Variants in TGOLN2 observed in about 807,000 individuals in gnomAD.
TGOLN2 encodes trans-golgi network protein 2, also known as trans-Golgi network integral membrane protein 2.
Under a neutral mutation model 31.3 loss-of-function variants are expected in TGOLN2, and 19 were observed. The observed-to-expected ratio is 0.61, with a 90% CI of 0.42 to 0.89. TGOLN2 has a LOEUF of 0.89. TGOLN2 is among the 40% of genes least tolerant of loss of function. The pLI is 0.00. For missense variants in TGOLN2, 540 were observed against 559.2 expected (o/e 0.97, Z 0.35); for synonymous variants, 222 against 226.7 (o/e 0.98, Z 0.19).
rs778744736 is a variant in TGOLN2 at position 85,327,943 on chromosome 2, A to G, written c.20T>C (p.Leu7Ser). ...CGCCGCTGCGACGTTCAGGAGGACC[A>G]AGGCAACCACGAACCGCATCCTGCT... MRFVVA[L>S]VLLNVAAAGA... Residue 7 changes from leucine to serine, a missense_variant, in exon 1 of 4, where the codon TTG becomes TCG. Physicochemically the swap from Leu to Ser is moderately radical, Grantham distance 145. Coordinates refer to ENST00000377386, the MANE Select transcript of TGOLN2 (RefSeq NM_006464.4). 4 of 1,602,430 alleles carry G rather than the reference A, an allele frequency of 2.5e-6. No individual in the cohort carries two copies. The South Asian group carries it at 3.4e-5, about 14-fold the overall frequency.
At position 85,322,654 on chromosome 2, in the gene TGOLN2, G is replaced by C; in HGVS notation, c.*82C>G. The stretch of plus-strand genomic sequence containing the variant: ...TCAGCAGGGAGGACAAGGTTCTCAA[G>C]GACAAAAAAATCAAAGCTGAAACGA... On this transcript the variant is annotated 3_prime_UTR_variant, in exon 4 of 4. Transcript: ENST00000377386. The C allele has an allele frequency of 6.3e-7, 1 of 1,599,474 alleles. No individual in the cohort carries two copies. Among genetic ancestry groups the C allele is most frequent in the Non-Finnish European group, 8.5e-7 (1 of 1,176,062 alleles).
At position 85,326,811 on chromosome 2, in the gene TGOLN2, G is replaced by C; in HGVS notation, c.921C>G (p.Pro307=). 1 of 1,613,984 alleles carries C rather than the reference G, an allele frequency of 6.2e-7. No individual in the cohort carries two copies. The highest frequency in any genetic ancestry group is 8.5e-7 in the Non-Finnish European group (1 of 1,179,884). ...CTGAAGACTTAACTTCCTCCTGCGGGGGAGAAATGAGGTCAGTTTCCTCCC... is the reference window on the plus strand; with the variant it reads ...CTGAAGACTTAACTTCCTCCTGCGGCGGAGAAATGAGGTCAGTTTCCTCCC... ...ESGEETDLIS[P]PQEEVKSSEP... The change falls in exon 2 of 4, where the codon CCC becomes CCG. Residue 307 remains proline (P), a synonymous_variant. Coordinates refer to ENST00000377386, the MANE Select transcript of TGOLN2 (RefSeq NM_006464.4).
chr2:85,322,470 A>C lies in TGOLN2; in HGVS notation c.*266T>G, dbSNP rs1410722162. ...GGAACGGATGGAAGCCACCAGCATA[A>C]ATAAAGGGAACACAGAAGAACAATG... On this transcript the variant is annotated 3_prime_UTR_variant, in exon 4 of 4. Transcript: ENST00000377386. The C allele has an allele frequency of 6.8e-6, 4 of 586,726 alleles. No homozygotes were observed. The East Asian group carries it at 1.3e-4, about 20-fold the overall frequency. 36.3% of individuals were successfully genotyped at this position (586,726 alleles called of 1,614,324 possible).
In TGOLN2 at chr2:85,327,386, C is replaced by T; in HGVS notation, c.346G>A (p.Ala116Thr). The stretch of plus-strand genomic sequence containing the variant: ...CTAGTGCTGTCTTTTGTGGTCTGCG[C>T]CTCCGAACCCGACTTGCTAGTGCTG... ...KGSTSKSGSE[A>T]QTTKDSTSKS... is the part of the protein sequence containing the mutation. Residue 116 changes from alanine (A) to threonine (T), a missense_variant, in exon 2 of 4, where the codon GCG (alanine) becomes ACG (threonine). By Grantham distance (58) the Ala-to-Thr change is moderately conservative. Coordinates refer to ENST00000377386, the MANE Select transcript of TGOLN2 (RefSeq NM_006464.4). 6.2e-7 allele frequency: 1 copy of T among 1,611,272 alleles called. No individual in the cohort carries two copies.
At position 85,318,113 on chromosome 2, in the gene TGOLN2, C is replaced by T. The variant is rs1175713626; in HGVS notation, c.*4623G>A. On this transcript the variant is annotated 3_prime_UTR_variant, in exon 4 of 4. Coordinates refer to ENST00000377386, the MANE Select transcript of TGOLN2 (RefSeq NM_006464.4). Reference sequence around the variant, plus strand: ...TGGCATTTACAGAAGCTCAGAAAAACATTATGCACTGAAAAATACTTCTCA... The same window carrying T: ...TGGCATTTACAGAAGCTCAGAAAAATATTATGCACTGAAAAATACTTCTCA... 1 of 152,142 alleles carries T rather than the reference C, an allele frequency of 6.6e-6. No homozygotes were observed. Among genetic ancestry groups the T allele is most frequent in the Non-Finnish European group, 1.5e-5 (1 of 67,998 alleles). 9.4% of individuals were successfully genotyped at this position (152,142 alleles called of 1,614,324 possible). A position where few individuals can be genotyped will look rare whatever the true frequency, so the allele number is the denominator to read the frequency against.
chr2:85,326,144 C>T (rs1050002799), intron 2 of TGOLN2, among the ~76,000 whole-genome samples: 2 of 152,152 alleles, frequency 1.3e-5, no homozygotes, highest in African/African-American at 4.8e-5. Context: ...GACATATCGT[C>T]TCAAGAAGGG....
rs1015964471 is a variant in TGOLN2 at position 85,322,657 on chromosome 2, C to T, written c.*79G>A. 6.2e-7 allele frequency: 1 copy of T among 1,600,194 alleles called. No homozygotes were observed. The highest frequency in any genetic ancestry group is 2.3e-5 in the East Asian group (1 of 44,430). On this transcript the variant is annotated 3_prime_UTR_variant, in exon 4 of 4. Transcript: ENST00000377386. ...GCAGGGAGGACAAGGTTCTCAAGGA[C>T]AAAAAAATCAAAGCTGAAACGAGAG...
intron 1 of TGOLN2, 98 bp from the exon 2 acceptor site, chr2:85,327,783 T>TGGGGTTGG: frequency 1.1e-5 from 3 of 275,100 alleles, no homozygotes; most frequent in Non-Finnish European, 1.8e-5. Context: ...GAATGGGGAT[T>TGGGGTTGG]GGGGGGTGGG....
At position 85,326,893 on chromosome 2, in the gene TGOLN2, G is replaced by A. The variant is rs756748905; in HGVS notation, c.839C>T (p.Thr280Ile). Residue 280 changes from threonine (T) to isoleucine (I), a missense_variant, in exon 2 of 4, where the codon ACA becomes ATA. Transcript: ENST00000377386. Reference protein sequence around the residue: ...SDNKELPKADTNQLADKGKLS... With the variant: ...SDNKELPKADINQLADKGKLS... ...CTTCCCTTTGTCAGCAAGCTGGTTT[G>A]TGTCAGCCTTGGGGAGCTCCTTGTT... 1.2e-6 allele frequency: 2 copies of A among 1,614,036 alleles called. No homozygotes were observed. Among genetic ancestry groups the A allele is most frequent in the Non-Finnish European group, 1.7e-6 (2 of 1,179,888 alleles).
intron 3 of TGOLN2, 63 bp downstream of exon 3, chr2:85,324,852 G>C: frequency 1.4e-6 from 2 of 1,421,660 alleles, no homozygotes; most frequent in Non-Finnish European, 9.7e-7. Flanking sequence ...GCCCACTACT[G>C]GGTCCATCTG....
At position 85,326,883 on chromosome 2, in the gene TGOLN2, A is replaced by G; in HGVS notation, c.849T>C (p.Leu283=). The G allele has an allele frequency of 6.2e-7, 1 of 1,614,032 alleles. No homozygotes were observed. The highest frequency in any genetic ancestry group is 1.3e-5 in the African/African-American group (1 of 75,056). The part of the protein sequence containing the change: ...KELPKADTNQ[L]ADKGKLSPHA... ...GAGGAGAAAGCTTCCCTTTGTCAGC[A>G]AGCTGGTTTGTGTCAGCCTTGGGGA... The change falls in exon 2 of 4, where the codon CTT becomes CTC. Residue 283 remains leucine (L), a synonymous_variant. Transcript: ENST00000377386.
In TGOLN2 at chr2:85,327,966, G is replaced by A. The variant is rs768165945; in HGVS notation, c.-4C>T. On this transcript the variant is annotated 5_prime_UTR_variant, in exon 1 of 4. Transcript: ENST00000377386. Reference sequence around the variant, plus strand: ...CCAAGGCAACCACGAACCGCATCCTGCTCGGATAGCGCTTCCGCCCTCTAA... The same window carrying A: ...CCAAGGCAACCACGAACCGCATCCTACTCGGATAGCGCTTCCGCCCTCTAA... The A allele has an allele frequency of 6.3e-7, 1 of 1,589,204 alleles. No individual in the cohort carries two copies. The highest frequency in any genetic ancestry group is 8.6e-7 in the Non-Finnish European group (1 of 1,168,188).
intron 3 of TGOLN2, 85 bp downstream of exon 3, chr2:85,324,830 T>C (rs1682676107): frequency 7.9e-7 from 1 of 1,260,210 alleles, no homozygotes; most frequent in African/African-American, 1.5e-5. Flanking sequence ...TGCTGCTTCA[T>C]GGCAAATGCA....
rs1181232013 is a variant in TGOLN2 at position 85,326,712 on chromosome 2, T to A, written c.1020A>T (p.Lys340Asn). The A allele has an allele frequency of 6.2e-7, 1 of 1,614,048 alleles. No homozygotes were observed. Among genetic ancestry groups the A allele is most frequent in the Non-Finnish European group, 8.5e-7 (1 of 1,179,896 alleles). The change falls in exon 2 of 4, where the codon AAA (lysine) becomes AAT (asparagine). Residue 340 changes from lysine (K) to asparagine (N), a missense_variant. Coordinates refer to ENST00000377386, the MANE Select transcript of TGOLN2 (RefSeq NM_006464.4). ...DTGPEEGSPP[K>N]EEKEKMSGSA... ...AACCGGACATCTTTTCTTTCTCTTCTTTGGGCGGTGAGCCCTCCTCGGGTC... is the reference window on the plus strand; with the variant it reads ...AACCGGACATCTTTTCTTTCTCTTCATTGGGCGGTGAGCCCTCCTCGGGTC...
At chr2:85,324,335 G>C (rs935776292) in intron 3 of TGOLN2, 1 of 152,220 alleles carries the variant, frequency 6.6e-6, no homozygotes, top group East Asian at 1.9e-4. Flanking sequence ...CAGAAGAATC[G>C]CTTGAACCCA....
At position 85,327,268 on chromosome 2, in the gene TGOLN2, C is replaced by G; in HGVS notation, c.464G>C (p.Gly155Ala). The change falls in exon 2 of 4, where the codon GGT becomes GCT. Residue 155 changes from glycine (G) to alanine (A), a missense_variant. Physicochemically the swap from Gly to Ala is moderately conservative, Grantham distance 60 (BLOSUM62 0). Transcript: ENST00000377386. ...QTPEDSPNRS[G>A]AEAKTQKDSP... ...GTCTTTTTGGGTCTTTGCCTCCGCA[C>G]CCGACCTGTTGGGGCTGTCTTCTGG... 3 of 1,612,464 alleles carry G rather than the reference C, an allele frequency of 1.9e-6. No individual in the cohort carries two copies. The highest frequency in any genetic ancestry group is 2.5e-6 in the Non-Finnish European group (3 of 1,179,052).
In TGOLN2 at chr2:85,327,986, C is replaced by T. The variant is rs1682822307; in HGVS notation, c.-24G>A. 1.9e-6 allele frequency: 3 copies of T among 1,569,434 alleles called. No individual in the cohort carries two copies. Among genetic ancestry groups the T allele is most frequent in the East Asian group, 4.7e-5 (2 of 42,340 alleles). On this transcript the variant is annotated 5_prime_UTR_variant, in exon 1 of 4. Coordinates refer to ENST00000377386, the MANE Select transcript of TGOLN2 (RefSeq NM_006464.4). ...ATCCTGCTCGGATAGCGCTTCCGCC[C>T]TCTAATGCTCTCGCGAGATCCGCGC...
chr2:85,327,814 G>A lies in TGOLN2; in HGVS notation c.46+103C>T, dbSNP rs1043652036. 8.5e-6 allele frequency: 13 copies of A among 1,524,750 alleles called. No homozygotes were observed. In the African/African-American group the frequency reaches 1.5e-4, roughly 18 times the overall value. 94.5% of individuals were successfully genotyped at this position (1,524,750 alleles called of 1,614,324 possible). A position where few individuals can be genotyped will look rare whatever the true frequency, so the allele number is the denominator to read the frequency against. ...GTGGGGCGGGAGACGATGGCGAGCG[G>A]AGAGGTGGGTCGGGTAGGGAAGAAG... On this transcript the variant is annotated intron_variant, in intron 1 of 3. Coordinates refer to ENST00000377386, the MANE Select transcript of TGOLN2 (RefSeq NM_006464.4).
chr2:85,324,701 T>A, intron 3 of TGOLN2: 1 of 598,220 alleles, frequency 1.7e-6, no homozygotes. Context: ...TGCTGTAGAG[T>A]ATTCCAAGGT....
Sources: gnomAD v4.1 joint callset for allele counts (sites outside exome capture counted in the v4.1 genomes callset) on GRCh38, gnomAD v4.1.1 for gene constraint, MANE v1.5 for transcripts, NCBI Gene and HGNC (gene_info 2026-07-23, HGNC 2026-07-21) for gene names.